Variants in LRRTM4 observed in about 807,000 individuals in gnomAD.
LRRTM4 encodes the protein leucine rich repeat transmembrane neuronal 4, also known as leucine-rich repeat transmembrane neuronal protein 4.
A neutral mutation model predicts 47.6 loss-of-function variants in LRRTM4; 25 were observed. The ratio of observed to expected loss-of-function variants is 0.53; its 90% CI spans 0.38 to 0.73. LRRTM4 has a LOEUF of 0.73. LRRTM4 is among the 30% of genes least tolerant of loss of function. The pLI is 0.00. For synonymous variants in LRRTM4, 311 were observed against 269.5 expected, an observed-to-expected ratio of 1.15 and a Z score of -1.51; for missense variants, 638 against 713.4, an observed-to-expected ratio of 0.89 and a Z score of 1.20.
intron 3 of LRRTM4, among the ~76,000 whole-genome samples, chr2:77,078,020 A>T (rs1680395367): frequency 6.6e-6 from 1 of 152,194 alleles, no homozygotes; most frequent in Non-Finnish European, 1.5e-5. Flanking sequence ...TTCACTACTT[A>T]CAGGCAGTGA....
chr2:77,071,748 G>A (rs943477883), intron 3 of LRRTM4, among the ~76,000 whole-genome samples: 2 of 152,170 alleles, frequency 1.3e-5, no homozygotes, highest in African/African-American at 4.8e-5. Flanking sequence ...CATTCATGGG[G>A]ATGTATGCTT....
chr2:77,422,396 C>A (rs1674936399), intron 3 of LRRTM4, among the ~76,000 whole-genome samples: 1 of 152,176 alleles, frequency 6.6e-6, no homozygotes. Flanking sequence ...ATGTCTGATG[C>A]AGAAATGTAA....
At chr2:76,827,205 A>G (rs780294766) in intron 3 of LRRTM4, among the ~76,000 whole-genome samples, 1 of 151,812 alleles carries the variant, frequency 6.6e-6, no homozygotes, top group Non-Finnish European at 1.5e-5. Context: ...ATTATTTTCC[A>G]TTGTAAAATA....
intron 3 of LRRTM4, among the ~76,000 whole-genome samples, chr2:77,443,843 T>C (rs1030538704): frequency 6.6e-6 from 1 of 152,130 alleles, no homozygotes; most frequent in East Asian, 1.9e-4. Flanking sequence ...AACTGATTTA[T>C]ATCTATGGCA....
chr2:76,970,569 C>T lies in LRRTM4; in HGVS notation c.1552-221653G>A, dbSNP rs190972914. On this transcript the variant is annotated intron_variant, in intron 3 of 3. Transcript: ENST00000409884. ...TAAAAATATTGTAGAATAACTGTTG[C>T]TTTTACCATAATAACCCCTGAGAAA... 4.4e-3 allele frequency among the ~76,000 whole-genome samples: 673 copies of T among 152,108 alleles called. 22 individuals are homozygous for T. The highest frequency in any genetic ancestry group is 0.037 in the Admixed American group (569 of 15,264).
At chr2:76,988,675 A>G (rs919226196) in intron 3 of LRRTM4, among the ~76,000 whole-genome samples, 10 of 151,800 alleles carry the variant, frequency 6.6e-5, no homozygotes, top group Non-Finnish European at 1.5e-4. Context: ...ATTATAGTGA[A>G]ACACCTTAAA....
At chr2:76,769,931 A>C (rs1473296605) in intron 3 of LRRTM4, among the ~76,000 whole-genome samples, 1 of 152,200 alleles carries the variant, frequency 6.6e-6, no homozygotes, top group Admixed American at 6.5e-5. Flanking sequence ...CATCAACTAT[A>C]AACTTCTTAG....
Position 77,444,187 on chromosome 2 carries a change from C to T in LRRTM4, c.1551+74131G>A, listed in dbSNP as rs147580265. On this transcript the variant is annotated intron_variant, in intron 3 of 3. Transcript: ENST00000409884. ...CTTATCAATATAACACCCAATCAAA[C>T]CAACAACATGAATGATATACCTAGG... Among the ~76,000 whole-genome samples, 778 of 152,122 alleles carry T rather than the reference C, an allele frequency of 5.1e-3. 10 individuals carry two copies. The highest frequency in any genetic ancestry group is 0.017 in the African/African-American group (722 of 41,514).
intron 3 of LRRTM4, among the ~76,000 whole-genome samples, chr2:77,308,104 T>C (rs1251162644): frequency 7.1e-6 from 1 of 140,158 alleles, no homozygotes; most frequent in Admixed American, 7.2e-5. Context: ...TATATGTATA[T>C]GTTATATATT....
At chr2:76,971,688 G>C (rs1464653194) in intron 3 of LRRTM4, among the ~76,000 whole-genome samples, 3 of 151,948 alleles carry the variant, frequency 2.0e-5, no homozygotes, top group Non-Finnish European at 4.4e-5. Context: ...TTAAGAGTCA[G>C]CATTTAACTG....
rs141217745 is a variant in LRRTM4, at chr2:77,296,048, G to A, written c.1551+222270C>T. 2.9e-3 allele frequency among the ~76,000 whole-genome samples: 439 copies of A among 152,066 alleles called. 3 individuals are homozygous for A. The highest frequency in any genetic ancestry group is 0.01 in the African/African-American group (416 of 41,480). Reference sequence around the variant, plus strand: ...CAAATATCTGAGTAGTTAATTCTTCGTATAAATCCTTAATTATTTTGTATA... The same window carrying A: ...CAAATATCTGAGTAGTTAATTCTTCATATAAATCCTTAATTATTTTGTATA... On this transcript the variant is annotated intron_variant, in intron 3 of 3. Transcript: ENST00000409884.
Position 77,518,585 on chromosome 2 carries a change from C to T in LRRTM4, c.1284G>A (p.Gly428=). Residue 428 remains glycine (G), a synonymous_variant, in exon 3 of 4, where the codon GGG becomes GGA. Coordinates refer to ENST00000409884, the MANE Select transcript of LRRTM4 (RefSeq NM_001134745.3). ...CCACTGAGAGAAAGAGAGCCACACT[C>T]CCGGCAATAATTTTGTGAAATGAAA... is the stretch of plus-strand genomic sequence containing the variant. ...EHVSFHKIIA[G]SVALFLSVAM... is the part of the protein sequence containing the mutation. 1.2e-6 allele frequency: 2 copies of T among 1,613,440 alleles called. No individual in the cohort carries two copies. Among genetic ancestry groups the T allele is most frequent in the Non-Finnish European group, 1.7e-6 (2 of 1,179,644 alleles).
chr2:77,442,873 T>C (rs1438536869), intron 3 of LRRTM4, among the ~76,000 whole-genome samples: 1 of 152,122 alleles, frequency 6.6e-6, no homozygotes. Context: ...AGATTTTAAC[T>C]CCAATGGAGA....
At chr2:77,252,002 C>T (rs1011429421) in intron 3 of LRRTM4, among the ~76,000 whole-genome samples, 8 of 152,064 alleles carry the variant, frequency 5.3e-5, no homozygotes, top group African/African-American at 1.9e-4. Flanking sequence ...ATAAAATATT[C>T]CCTACGACTT....
At chr2:77,362,156 A>AGAAAGAAG (rs1672256645) in intron 3 of LRRTM4, among the ~76,000 whole-genome samples, 1 of 151,570 alleles carries the variant, frequency 6.6e-6, no homozygotes, top group African/African-American at 2.4e-5. Context: ...AAAGAAAGAA[A>AGAAAGAAG]GAAAGAAAGA....
Position 77,431,308 on chromosome 2 carries a change from A to G in LRRTM4, c.1551+87010T>C, listed in dbSNP as rs769521129. On this transcript the variant is annotated intron_variant, in intron 3 of 3. Transcript: ENST00000409884. ...TCTGGAAGCTGGAAAGTACAAATTC[A>G]AGAAAGGGTGAGCAAGCTTCCCAAA... Among the ~76,000 whole-genome samples the G allele has an allele frequency of 1.0e-4, 15 of 148,930 alleles. 2 individuals carry two copies. Among genetic ancestry groups the G allele is most frequent in the Non-Finnish European group, 1.6e-4 (11 of 68,010 alleles).
At position 77,299,044 on chromosome 2, in the gene LRRTM4, A is replaced by C. The variant is rs17013932; in HGVS notation, c.1551+219274T>G. ...AAACAGTATACAAGAAGGTTTACAT[A>C]ACGTATAAAAATGTTCTATATTTAA... On this transcript the variant is annotated intron_variant, in intron 3 of 3. Coordinates refer to ENST00000409884, the MANE Select transcript of LRRTM4 (RefSeq NM_001134745.3). 8.8e-3 allele frequency among the ~76,000 whole-genome samples: 1,336 copies of C among 152,292 alleles called. 13 individuals carry two copies. The highest frequency in any genetic ancestry group is 0.031 in the African/African-American group (1,281 of 41,566).
chr2:76,923,240 T>C (rs752606807), intron 3 of LRRTM4, among the ~76,000 whole-genome samples: 18 of 152,094 alleles, frequency 1.2e-4, no homozygotes, highest in Non-Finnish European at 2.1e-4. Context: ...ACCTTTTATG[T>C]TAAACGTTTG....
chr2:77,084,553 G>T (rs943044798), intron 3 of LRRTM4, among the ~76,000 whole-genome samples: 4 of 152,102 alleles, frequency 2.6e-5, no homozygotes, highest in African/African-American at 7.2e-5. Context: ...ACTAGTTTAT[G>T]CATGTTTTAA....
Sources: gnomAD v4.1 joint callset for allele counts (sites outside exome capture counted in the v4.1 genomes callset) on GRCh38, gnomAD v4.1.1 for gene constraint, MANE v1.5 for transcripts, NCBI Gene and HGNC (gene_info 2026-07-23, HGNC 2026-07-21) for gene names.